Variants in HPR observed in about 807,000 individuals in gnomAD.
The protein encoded by HPR is haptoglobin-related protein, also known as Haptoglobin-related locus.
In HPR, 17 loss-of-function variants were observed where a neutral mutation model predicts 18.5. The observed-to-expected ratio is 0.92, with a 90% CI of 0.63 to 1.38. The LOEUF (loss-of-function observed/expected upper bound fraction) is 1.38. Ranked by LOEUF, HPR falls within the 40% of genes most tolerant of loss-of-function variation. The pLI is 0.00. For synonymous variants in HPR, 176 were observed against 165.0 expected, an observed-to-expected ratio of 1.07 and a Z score of -0.51; for missense variants, 457 against 432.4, an observed-to-expected ratio of 1.06 and a Z score of -0.51.
In HPR at chr16:72,073,907, C is replaced by A. The variant is rs1015592072; in HGVS notation, c.21C>A (p.Val7=). The part of the protein sequence containing the change: MSDLGA[V]ISLLLWGRQL... ...CTCTCTGCAGTGACCTGGGAGCTGT[C>A]ATTTCCCTCCTGCTCTGGGGACGAC... is the stretch of plus-strand genomic sequence containing the variant. The change falls in exon 2 of 5, where the codon GTC becomes GTA. Residue 7 remains valine, a synonymous_variant. Coordinates refer to ENST00000540303, the MANE Select transcript of HPR (RefSeq NM_020995.4). The A allele has an allele frequency of 6.2e-7, 1 of 1,614,032 alleles. No individual in the cohort carries two copies.
At chr16:72,065,083 C>G (rs916750321) in intron 1 of HPR, among the ~76,000 whole-genome samples, 1 of 152,178 alleles carries the variant, frequency 6.6e-6, no homozygotes, top group African/African-American at 2.4e-5. Context: ...ACAAGTGCTA[C>G]TGCTGTGTGG....
intron 1 of HPR, among the ~76,000 whole-genome samples, chr16:72,067,337 T>C (rs2041608428): frequency 6.6e-6 from 1 of 152,180 alleles, no homozygotes; most frequent in Non-Finnish European, 1.5e-5. Context: ...GAAGAACTTA[T>C]AGTCTCTGAG....
At chr16:72,064,191 T>C (rs1567587070) in intron 1 of HPR, among the ~76,000 whole-genome samples, 1 of 152,208 alleles carries the variant, frequency 6.6e-6, no homozygotes, top group East Asian at 1.9e-4. Context: ...TTCTGGCATT[T>C]TGGGGTTTGA....
intron 1 of HPR, among the ~76,000 whole-genome samples, chr16:72,069,685 C>G (rs2041635130): frequency 6.6e-6 from 1 of 152,178 alleles, no homozygotes; most frequent in South Asian, 2.1e-4. Context: ...CCTAGCCAAA[C>G]AAGTTACAGA....
intron 1 of HPR, among the ~76,000 whole-genome samples, chr16:72,070,930 C>A (rs1276611180): frequency 6.6e-6 from 1 of 152,180 alleles, no homozygotes; most frequent in Admixed American, 6.5e-5. Flanking sequence ...GAAACTCCAA[C>A]TAATTCATGG....
intron 1 of HPR, among the ~76,000 whole-genome samples, chr16:72,067,371 G>A (rs1200748157): frequency 6.6e-6 from 1 of 152,166 alleles, no homozygotes; most frequent in Non-Finnish European, 1.5e-5. Context: ...GATTTACGGT[G>A]AGAATCTTAG....
chr16:72,066,071 A>G (rs1263787760), intron 1 of HPR, among the ~76,000 whole-genome samples: 1 of 152,226 alleles, frequency 6.6e-6, no homozygotes, highest in African/African-American at 2.4e-5. Flanking sequence ...AACATGAAAT[A>G]GAGCAGTGTA....
chr16:72,070,014 C>A (rs1451911258), intron 1 of HPR, among the ~76,000 whole-genome samples: 10 of 152,136 alleles, frequency 6.6e-5, no homozygotes, highest in African/African-American at 2.4e-4. Context: ...AAAGTTAGCC[C>A]AGGTACTAGA....
rs769155716 is a variant in HPR at position 72,076,949 on chromosome 16, C to G, written c.915C>G (p.Asp305Glu). 3.1e-6 allele frequency: 5 copies of G among 1,614,110 alleles called. No homozygotes were observed. In the Admixed American group the frequency reaches 8.3e-5, roughly 27 times the overall value. Residue 305 changes from aspartate to glutamate, a missense_variant, in exon 5 of 5, where the codon GAC becomes GAG. Coordinates refer to ENST00000540303, the MANE Select transcript of HPR (RefSeq NM_020995.4). ...GDAGSAFAVH[D>E]LEEDTWYAAG... ...CGGGCAGTGCCTTTGCCGTTCACGACCTGGAGGAGGACACCTGGTACGCGG... is the reference window on the plus strand; with the variant it reads ...CGGGCAGTGCCTTTGCCGTTCACGAGCTGGAGGAGGACACCTGGTACGCGG...
At position 72,076,594 on chromosome 16, in the gene HPR, T is replaced by C; in HGVS notation, c.560T>C (p.Val187Ala). 6.2e-7 allele frequency: 1 copy of C among 1,614,182 alleles called. No homozygotes were observed. Among genetic ancestry groups the C allele is most frequent in the Admixed American group, 1.7e-5 (1 of 60,020 alleles). Reference sequence around the variant, plus strand: ...GTTCTACACCCTAACTACCACCAGGTAGATATTGGGCTCATCAAACTCAAA... The same window carrying C: ...GTTCTACACCCTAACTACCACCAGGCAGATATTGGGCTCATCAAACTCAAA... ...KVVLHPNYHQ[V>A]DIGLIKLKQK... The change falls in exon 5 of 5, where the codon GTA becomes GCA. Residue 187 changes from valine (V) to alanine (A), a missense_variant. Val to Ala is a moderately conservative substitution (Grantham distance 64, BLOSUM62 0). Transcript: ENST00000540303.
chr16:72,074,052 T>C (rs2041688784), intron 2 of HPR, 75 bp downstream of exon 2: 1 of 1,589,244 alleles, frequency 6.3e-7, no homozygotes, highest in Non-Finnish European at 8.6e-7. Context: ...CGGGTCTGCA[T>C]TCTTTCTTTG....
chr16:72,076,196 T>A lies in HPR; in HGVS notation c.269-107T>A. Reference sequence around the variant, plus strand: ...AGGTGGTAAGGACAAAGCATTTAAATCTTTCCAGTTTATGCAGCAGTGACA... The same window carrying A: ...AGGTGGTAAGGACAAAGCATTTAAAACTTTCCAGTTTATGCAGCAGTGACA... On this transcript the variant is annotated intron_variant, in intron 4 of 4. Transcript: ENST00000540303. The A allele has an allele frequency of 3.9e-6, 6 of 1,557,058 alleles. No individual in the cohort carries two copies. The South Asian group carries it at 5.8e-5, about 15-fold the overall frequency.
chr16:72,069,341 G>A (rs2144066232), intron 1 of HPR, among the ~76,000 whole-genome samples: 1 of 152,278 alleles, frequency 6.6e-6, no homozygotes, highest in African/African-American at 2.4e-5. Flanking sequence ...CCGGGCACCA[G>A]AAAAGCCTTT....
At chr16:72,065,395 C>G (rs763268543) in intron 1 of HPR, among the ~76,000 whole-genome samples, 7 of 152,034 alleles carry the variant, frequency 4.6e-5, no homozygotes, top group Non-Finnish European at 8.8e-5. Flanking sequence ...CTCCAGCAGG[C>G]AACAAATCCC....
At chr16:72,067,606 C>T (rs936212814) in intron 1 of HPR, among the ~76,000 whole-genome samples, 6 of 152,130 alleles carry the variant, frequency 3.9e-5, no homozygotes, top group Non-Finnish European at 7.3e-5. Flanking sequence ...AGGAAAGCTT[C>T]GAATTCTCCC....
At chr16:72,073,268 C>T (rs143399334) in intron 1 of HPR, among the ~76,000 whole-genome samples, 6 of 152,284 alleles carry the variant, frequency 3.9e-5, no homozygotes, top group Admixed American at 3.9e-4. Context: ...GGCAACCGAA[C>T]CTATGAGGAG....
chr16:72,073,780 ATGTG>A (rs754171130), intron 1 of HPR, 108 bp from the exon 2 acceptor site: 2 of 1,588,378 alleles, frequency 1.3e-6, no homozygotes, highest in South Asian at 1.1e-5. Flanking sequence ...GTGTGTATGC[ATGTG>A]TGTGTGTGCG....
chr16:72,070,873 T>C (rs1019581498), intron 1 of HPR, among the ~76,000 whole-genome samples: 4 of 152,182 alleles, frequency 2.6e-5, no homozygotes, highest in Admixed American at 2.6e-4. Flanking sequence ...GTATGGAGGG[T>C]GGACAGCCAG....
In HPR at chr16:72,076,577, C is replaced by G. The variant is rs150593078; in HGVS notation, c.543C>G (p.His181Gln). 10 of 1,614,206 alleles carry G rather than the reference C, an allele frequency of 6.2e-6. No homozygotes were observed. Among genetic ancestry groups the G allele is most frequent in the Non-Finnish European group, 8.5e-6 (10 of 1,180,034 alleles). ...TAGAGATTGAGAAGGTGGTTCTACACCCTAACTACCACCAGGTAGATATTG... is the reference window on the plus strand; with the variant it reads ...TAGAGATTGAGAAGGTGGTTCTACAGCCTAACTACCACCAGGTAGATATTG... The part of the protein sequence containing the change: ...QLVEIEKVVL[H>Q]PNYHQVDIGL... Residue 181 changes from histidine (H) to glutamine (Q), a missense_variant, in exon 5 of 5, where the codon CAC becomes CAG. Physicochemically the swap from His to Gln is conservative, Grantham distance 24. Coordinates refer to ENST00000540303, the MANE Select transcript of HPR (RefSeq NM_020995.4).
Sources: gnomAD v4.1 joint callset for allele counts (sites outside exome capture counted in the v4.1 genomes callset) on GRCh38, gnomAD v4.1.1 for gene constraint, MANE v1.5 for transcripts, NCBI Gene and HGNC (gene_info 2026-07-23, HGNC 2026-07-21) for gene names.